The following ABCA10 variants were observed in gnomAD, a reference collection of about 807,000 sequenced individuals.
The protein encoded by ABCA10 is ATP binding cassette subfamily A member 10.
ABCA10 carries 169 observed loss-of-function variants against 187.5 expected under a neutral mutation model. The observed-to-expected ratio is 0.90, with a 90% CI of 0.80 to 1.02. The LOEUF (loss-of-function observed/expected upper bound fraction) is 1.02, where lower values mean the gene tolerates loss of function less well. Among genes scored for constraint, ABCA10 ranks in the 50% least tolerant of loss-of-function variants. The pLI, the probability that ABCA10 is intolerant of heterozygous loss-of-function variation, is 0.00. For missense variants in ABCA10, 1,727 were observed against 1,812.4 expected (o/e 0.95, Z 0.86); for synonymous variants, 574 against 601.8 (o/e 0.95, Z 0.68).
At chr17:69,213,331 G>T (rs1196907512) in intron 9 of ABCA10, among the ~76,000 whole-genome samples, 1 of 151,284 alleles carries the variant, frequency 6.6e-6, no homozygotes, top group Non-Finnish European at 1.5e-5. Context: ...CAATCAGGTG[G>T]GGGCAGGGTT....
Position 69,191,246 on chromosome 17 carries a change from G to C in ABCA10, c.1941C>G (p.Ala647=). 1 of 1,602,934 alleles carries C rather than the reference G, an allele frequency of 6.2e-7. No homozygotes were observed. The highest frequency in any genetic ancestry group is 8.5e-7 in the Non-Finnish European group (1 of 1,173,754). ...TSLIKQHIPD[A]KLTTESEEKL... ...TTTCTTCACTTTCTGTTGTTAACTT[G>C]GCATCAGGAATGTGCTGCTTAATAA... is the stretch of plus-strand genomic sequence containing the variant. The change falls in exon 17 of 39, where the codon GCC becomes GCG. Residue 647 remains alanine (A), a synonymous_variant. Coordinates refer to ENST00000690296, the MANE Select transcript of ABCA10 (RefSeq NM_001377321.1).
At chr17:69,179,502 G>A (rs1387738039) in intron 22 of ABCA10, among the ~76,000 whole-genome samples, 1 of 152,200 alleles carries the variant, frequency 6.6e-6, no homozygotes, top group Admixed American at 6.5e-5. Flanking sequence ...TACTGCATCT[G>A]AAGCAAAAGC....
chr17:69,190,266 T>G, intron 18 of ABCA10, 92 bp downstream of exon 18: 1 of 1,358,044 alleles, frequency 7.4e-7, no homozygotes, highest in South Asian at 1.7e-5. Context: ...TAGGTAGAAA[T>G]CCACATAAAA....
At chr17:69,169,643 A>G (rs954797671) in intron 25 of ABCA10, among the ~76,000 whole-genome samples, 22 of 152,260 alleles carry the variant, frequency 1.4e-4, no homozygotes, top group African/African-American at 4.8e-4. Flanking sequence ...ATGTACAAAT[A>G]GAAAAACAGA....
At chr17:69,230,963 CCTTAT>C (rs1157621239), upstream of ABCA10, among the ~76,000 whole-genome samples, 1 of 152,078 alleles carries the variant, frequency 6.6e-6, no homozygotes, top group East Asian at 1.9e-4. Flanking sequence ...TCTTAAGCTA[CCTTAT>C]CTTATAAAAT....
chr17:69,150,962 A>C (rs1223088603), intron 36 of ABCA10, among the ~76,000 whole-genome samples: 1 of 152,126 alleles, frequency 6.6e-6, no homozygotes, highest in African/African-American at 2.4e-5. Context: ...CAAAGCTGAG[A>C]GCTCCTGGGG....
chr17:69,194,950 T>C (rs9901774), intron 11 of ABCA10, among the ~76,000 whole-genome samples: 14,429 of 152,148 alleles, frequency 0.095, 2,355 homozygotes, highest in African/African-American at 0.33. Flanking sequence ...GTAGAACTGA[T>C]AAAGAAAACA....
intron 22 of ABCA10, among the ~76,000 whole-genome samples, chr17:69,177,976 AT>A (rs2074349279): frequency 4.8e-5 from 6 of 123,774 alleles, no homozygotes; most frequent in African/African-American, 1.5e-4. Flanking sequence ...AAAAAAAAAT[AT>A]ATATATATAT....
chr17:69,174,627 A>T lies in ABCA10; in HGVS notation c.3028T>A (p.Trp1010Arg), dbSNP rs755049068. 1.2e-6 allele frequency: 2 copies of T among 1,604,324 alleles called. No homozygotes were observed. Among genetic ancestry groups the T allele is most frequent in the Non-Finnish European group, 1.7e-6 (2 of 1,176,626 alleles). The stretch of plus-strand genomic sequence containing the variant: ...CTTACCAAAACAAACATGAGTTCCC[A>T]TGAAAGCTGGAATCCCAGAAATATG... ...YFIFLGFQLS[W>R]ELMFVLVVCI... Residue 1010 changes from tryptophan (W) to arginine (R), a missense_variant, in exon 24 of 39, where the codon TGG (tryptophan) becomes AGG (arginine). By Grantham distance (101) the Trp-to-Arg change is moderately radical. Transcript: ENST00000690296.
intron 9 of ABCA10, among the ~76,000 whole-genome samples, chr17:69,208,670 CAA>C (rs1435853243): frequency 6.6e-6 from 1 of 151,938 alleles, no homozygotes. Context: ...AAGGATAAAA[CAA>C]GAGATTCCAA....
intron 10 of ABCA10, 140 bp from the exon 11 acceptor site, chr17:69,197,262 C>G (rs1261468469): frequency 1.7e-6 from 1 of 582,888 alleles, no homozygotes; most frequent in Non-Finnish European, 3.0e-6. Flanking sequence ...AATAAAAGCC[C>G]TCCCCTGACC....
At position 69,216,006 on chromosome 17, in the gene ABCA10, G is replaced by A. The variant is rs754272999; in HGVS notation, c.673-6C>T. 1.2e-6 allele frequency: 2 copies of A among 1,607,090 alleles called. No homozygotes were observed. The highest frequency in any genetic ancestry group is 1.7e-5 in the Admixed American group (1 of 57,924). On this transcript the variant is annotated splice_polypyrimidine_tract_variant and splice_region_variant and intron_variant, in intron 7 of 38. Coordinates refer to ENST00000690296, the MANE Select transcript of ABCA10 (RefSeq NM_001377321.1). ...ATGAGGAAAGCCAATGCTATCTGAA[G>A]GAAGAAAGAGGTCTGATTGGTATAT... is the stretch of plus-strand genomic sequence containing the variant.
In ABCA10 at chr17:69,222,795, G is replaced by T. The variant is rs1404414469; in HGVS notation, c.35-98C>A. The T allele has an allele frequency of 4.5e-6, 5 of 1,121,658 alleles. No homozygotes were observed. In the East Asian group the frequency reaches 1.2e-4, roughly 26 times the overall value. The allele number at this position is 1,121,658 out of a possible 1,614,324, so 69.5% of individuals were successfully genotyped here. A position where few individuals can be genotyped will look rare whatever the true frequency, so the allele number is the denominator to read the frequency against. ...TTGCTTGTTTTATATAAAATTAGTG[G>T]TATTATATATTATTTCTGGATAGCT... On this transcript the variant is annotated intron_variant, in intron 3 of 38. Transcript: ENST00000690296.
At chr17:69,235,828 T>C (rs1055139348) in intron 1 of ABCA10, among the ~76,000 whole-genome samples, 2 of 151,900 alleles carry the variant, frequency 1.3e-5, no homozygotes, top group Non-Finnish European at 2.9e-5. Flanking sequence ...AAGTTAGAGA[T>C]GCAATACTTT....
chr17:69,222,009 T>C (rs151190170), intron 4 of ABCA10, 114 bp from the exon 5 acceptor site: 25 of 751,340 alleles, frequency 3.3e-5, no homozygotes, highest in Middle Eastern at 5.7e-4. Context: ...TCAAAGCCTA[T>C]GATTATATGA....
At chr17:69,175,373 A>T (rs927128546) in intron 23 of ABCA10, 33 bp downstream of exon 23, 1 of 1,561,658 alleles carries the variant, frequency 6.4e-7, no homozygotes, top group Non-Finnish European at 8.7e-7. Context: ...AATAAAATCA[A>T]TCTCAATCTA....
At chr17:69,201,762 A>C (rs1190348610) in intron 9 of ABCA10, 94 bp from the exon 10 acceptor site, 1 of 1,071,836 alleles carries the variant, frequency 9.3e-7, no homozygotes, top group Non-Finnish European at 1.3e-6. Context: ...TTTTGAACTT[A>C]AGTTATTTAT....
At position 69,174,626 on chromosome 17, in the gene ABCA10, C is replaced by T. The variant is rs2074321005; in HGVS notation, c.3029G>A (p.Trp1010Ter). ...ACTTACCAAAACAAACATGAGTTCC[C>T]ATGAAAGCTGGAATCCCAGAAATAT... ...YFIFLGFQLSWELMFVLVVCI... is the reference protein window; with the variant it reads ...YFIFLGFQLS Residue 1010 changes from tryptophan to a stop codon, truncating the protein, a stop_gained, in exon 24 of 39, where the codon TGG becomes TAG. Transcript: ENST00000690296. LOFTEE classifies it high-confidence loss of function. The T allele has an allele frequency of 6.2e-7, 1 of 1,603,026 alleles. No individual in the cohort carries two copies.
chr17:69,158,187 T>C (rs1177414110), intron 27 of ABCA10, among the ~76,000 whole-genome samples: 2 of 152,026 alleles, frequency 1.3e-5, no homozygotes, highest in African/African-American at 4.8e-5. Context: ...TCAGAAACAA[T>C]GTAAGGACGC....
Sources: gnomAD v4.1 joint callset for allele counts (sites outside exome capture counted in the v4.1 genomes callset) on GRCh38, gnomAD v4.1.1 for gene constraint, MANE v1.5 for transcripts, NCBI Gene and HGNC (gene_info 2026-07-23, HGNC 2026-07-21) for gene names.